Variants in RADIL observed in about 807,000 individuals in gnomAD.
RADIL encodes the protein ras-associating and dilute domain-containing protein.
A neutral mutation model predicts 97.6 loss-of-function variants in RADIL; 99 were observed. The observed-to-expected ratio is 1.01, with a 90% CI of 0.86 to 1.20. The LOEUF is 1.20. Ranked by LOEUF, RADIL falls within the 50% of genes most tolerant of loss-of-function variation. The probability of loss-of-function intolerance (pLI) is 0.00; values close to 1 mark genes in which losing one functional copy is unlikely to be tolerated. For synonymous variants in RADIL, 803 were observed against 691.8 expected (o/e 1.16, Z -2.52); for missense variants, 1,765 against 1,498.9 (o/e 1.18, Z -2.93).
chr7:4,881,947 T>C (rs1784496562), intron 1 of RADIL, among the ~76,000 whole-genome samples: 2 of 146,466 alleles, frequency 1.4e-5, no homozygotes, highest in South Asian at 2.3e-4. Flanking sequence ...TCCCCCCACT[T>C]CCCCCCACCC....
chr7:4,805,952 A>G lies in RADIL; in HGVS notation c.2140-236T>C, dbSNP rs543826341. The G allele has an allele frequency of 1.6e-4, 162 of 985,406 alleles. No homozygotes were observed. The African/African-American group carries it at 2.8e-3, about 17-fold the overall frequency. 61.0% of individuals were successfully genotyped at this position (985,406 alleles called of 1,614,324 possible). The stretch of plus-strand genomic sequence containing the variant: ...CAGTGCCATCGGGAACCCCCTGCCC[A>G]GGGAACCCACCCCCGTCTCAAGCAA... On this transcript the variant is annotated intron_variant, in intron 9 of 14. Coordinates refer to ENST00000399583, the MANE Select transcript of RADIL (RefSeq NM_018059.5).
At chr7:4,869,450 C>T (rs769182280) in intron 2 of RADIL, among the ~76,000 whole-genome samples, 1 of 152,156 alleles carries the variant, frequency 6.6e-6, no homozygotes, top group Non-Finnish European at 1.5e-5. Flanking sequence ...ACTTTTTAAG[C>T]CTTCTTTATG....
rs1248022487 is a variant in RADIL, at chr7:4,855,640, A to G, written c.536-19035T>C. On this transcript the variant is annotated intron_variant, in intron 2 of 14. Coordinates refer to ENST00000399583, the MANE Select transcript of RADIL (RefSeq NM_018059.5). Reference sequence around the variant, plus strand: ...TTTTGTAAAAAAAAAAAAAAAAAAAAAAAAAAAGAAATGCCTCTCTGGTCT... The same window carrying G: ...TTTTGTAAAAAAAAAAAAAAAAAAAGAAAAAAAGAAATGCCTCTCTGGTCT... Among the ~76,000 whole-genome samples, 26 of 149,022 alleles carry G rather than the reference A, an allele frequency of 1.7e-4. 1 individual carries two copies. Among genetic ancestry groups the G allele is most frequent in the African/African-American group, 5.6e-4 (22 of 39,264 alleles).
Position 4,840,925 on chromosome 7 carries a change from C to A in RADIL, c.536-4320G>T, listed in dbSNP as rs993656554. ...GAGGTTGCAGTGACCTGAGATCGCA[C>A]CACTGCACTCCAGCCTGGGTGACAG... On this transcript the variant is annotated intron_variant, in intron 2 of 14. Coordinates refer to ENST00000399583, the MANE Select transcript of RADIL (RefSeq NM_018059.5). This position sits in a 1 kb window ranked among gnomAD's most constrained non-coding sequence, Gnocchi z 5.6. 3.3e-5 allele frequency among the ~76,000 whole-genome samples: 5 copies of A among 152,212 alleles called. No individual in the cohort carries two copies. The highest frequency in any genetic ancestry group is 7.3e-5 in the Non-Finnish European group (5 of 68,042).
intron 3 of RADIL, 52 bp downstream of exon 3, chr7:4,836,306 C>T: frequency 6.4e-7 from 1 of 1,551,936 alleles, no homozygotes; most frequent in Middle Eastern, 1.9e-4. Flanking sequence ...TGAGTCCCGC[C>T]TGCTGTCCCT....
In RADIL at chr7:4,880,248, A is replaced by T. The variant is rs1784457259; in HGVS notation, c.-64-2045T>A. ...CAAAGCCTTTGTTTCTCTTCCTCTG[A>T]GGAAGGTGCAACGAGTGGCCTTGTC... is the stretch of plus-strand genomic sequence containing the variant. On this transcript the variant is annotated intron_variant, in intron 1 of 14. Transcript: ENST00000399583. This position sits in a 1 kb window ranked among gnomAD's most constrained non-coding sequence, Gnocchi z 4.5. 1.3e-5 allele frequency among the ~76,000 whole-genome samples: 2 copies of T among 152,168 alleles called. No homozygotes were observed. The highest frequency in any genetic ancestry group is 4.1e-4 in the South Asian group (2 of 4,830).
chr7:4,835,255 C>G lies in RADIL; in HGVS notation c.784-16G>C. On this transcript the variant is annotated splice_polypyrimidine_tract_variant and intron_variant, in intron 3 of 14. Transcript: ENST00000399583. The surrounding 1 kb of genome is among the most constrained non-coding windows in gnomAD (Gnocchi z 5.8). The stretch of plus-strand genomic sequence containing the variant: ...CCAGGCTGTCCTGAAACAGAGACTC[C>G]GCTCAGGGCAGGCGTAACGCGAGCA... 6.2e-7 allele frequency: 1 copy of G among 1,605,298 alleles called. No individual in the cohort carries two copies. Among genetic ancestry groups the G allele is most frequent in the Non-Finnish European group, 8.5e-7 (1 of 1,179,450 alleles).
intron 4 of RADIL, among the ~76,000 whole-genome samples, chr7:4,833,679 T>C (rs1783210392): frequency 6.6e-6 from 1 of 152,228 alleles, no homozygotes; most frequent in African/African-American, 2.4e-5. Flanking sequence ...TTCCCCTGTC[T>C]GCCGGGGATA....
rs1420276158 is a variant in RADIL, at chr7:4,814,580, G to A, written c.2139+698C>T. 6.6e-6 allele frequency among the ~76,000 whole-genome samples: 1 copy of A among 152,162 alleles called. No homozygotes were observed. The highest frequency in any genetic ancestry group is 1.9e-4 in the East Asian group (1 of 5,196). On this transcript the variant is annotated intron_variant, in intron 9 of 14. Coordinates refer to ENST00000399583, the MANE Select transcript of RADIL (RefSeq NM_018059.5). This position sits in a 1 kb window ranked among gnomAD's most constrained non-coding sequence, Gnocchi z 4.5. Reference sequence around the variant, plus strand: ...GACTGTGTTGGGAGGGGGGTGGTGAGCAGCGAGGGAAGCAGGGAGGGGCAT... The same window carrying A: ...GACTGTGTTGGGAGGGGGGTGGTGAACAGCGAGGGAAGCAGGGAGGGGCAT...
intron 12 of RADIL, among the ~76,000 whole-genome samples, chr7:4,800,679 C>T (rs1206812295): frequency 6.6e-6 from 1 of 152,160 alleles, no homozygotes; most frequent in Non-Finnish European, 1.5e-5. Context: ...CCATGTGCAC[C>T]CTGAGGGTTC....
chr7:4,877,630 G>A lies in RADIL; in HGVS notation c.510C>T (p.Ala170=), dbSNP rs761605926. 7 of 1,607,030 alleles carry A rather than the reference G, an allele frequency of 4.4e-6. No individual in the cohort carries two copies. The South Asian group carries it at 7.8e-5, about 18-fold the overall frequency. The change falls in exon 2 of 15, where the codon GCC becomes GCT. Residue 170 remains alanine, a synonymous_variant. Transcript: ENST00000399583. ...RKRSDVEELA[A]KEVDTITAGI... The stretch of plus-strand genomic sequence containing the variant: ...CTGCCGTGATGGTGTCCACCTCCTT[G>A]GCTGCCAGCTCCTCCACGTCCGACC...
chr7:4,861,297 C>T (rs369797296), intron 2 of RADIL: 4 of 1,614,094 alleles, frequency 2.5e-6, no homozygotes, highest in African/African-American at 2.7e-5. Context: ...GCTAATCTTG[C>T]AAATAAAATA....
At chr7:4,863,763 G>C (rs182796430) in intron 2 of RADIL, among the ~76,000 whole-genome samples, 8 of 152,284 alleles carry the variant, frequency 5.3e-5, no homozygotes, top group Admixed American at 3.9e-4. Context: ...ACCCTTTGAG[G>C]ATTCCAATTG....
intron 9 of RADIL, chr7:4,806,130 G>A (rs1160236298): frequency 1.2e-6 from 1 of 859,644 alleles, no homozygotes; most frequent in Admixed American, 6.2e-5. Flanking sequence ...TTAGGTGACA[G>A]GAGGCAGGGA....
rs563366739 is a variant in RADIL at position 4,825,527 on chromosome 7, C to G, written c.1455-2973G>C. Among the ~76,000 whole-genome samples the G allele has an allele frequency of 6.3e-4, 96 of 152,114 alleles. 1 individual carries two copies. The highest frequency in any genetic ancestry group is 3.4e-3 in the Middle Eastern group (1 of 294). On this transcript the variant is annotated intron_variant, in intron 5 of 14. Coordinates refer to ENST00000399583, the MANE Select transcript of RADIL (RefSeq NM_018059.5). ...AGAAAGCAAACCACAGACAGCTCAG[C>G]CAGCGCCATCACACCCAGGAAGAAA...
chr7:4,863,084 C>G (rs187343855), intron 2 of RADIL, among the ~76,000 whole-genome samples: 1 of 147,946 alleles, frequency 6.8e-6, no homozygotes, highest in African/African-American at 2.7e-5. Flanking sequence ...TGTCAACCTT[C>G]TCACTCTGTC....
intron 4 of RADIL, among the ~76,000 whole-genome samples, chr7:4,832,741 CAA>C (rs71032992): frequency 3.7e-3 from 247 of 66,468 alleles, no homozygotes; most frequent in Middle Eastern, 0.02. Context: ...TCCGTCTCAG[CAA>C]AAAAAAAAAA....
chr7:4,808,361 T>C (rs927914413), intron 9 of RADIL, among the ~76,000 whole-genome samples: 1 of 152,062 alleles, frequency 6.6e-6, no homozygotes, highest in Non-Finnish European at 1.5e-5. Flanking sequence ...CTTATTATTA[T>C]TTTATGGATA....
chr7:4,833,674 C>A (rs73316105), intron 4 of RADIL, among the ~76,000 whole-genome samples: 8,377 of 152,256 alleles, frequency 0.055, 752 homozygotes, highest in African/African-American at 0.18. Flanking sequence ...CCCCCTTCCC[C>A]TGTCTGCCGG....
Sources: gnomAD v4.1 joint callset for allele counts (sites outside exome capture counted in the v4.1 genomes callset) on GRCh38, gnomAD v4.1.1 for gene constraint, Gnocchi (gnomAD v3.1) non-coding constraint, MANE v1.5 for transcripts, NCBI Gene and HGNC (gene_info 2026-07-23, HGNC 2026-07-21) for gene names.